The following CACNA1B variants were observed in gnomAD, a reference collection of about 807,000 sequenced individuals.
CACNA1B encodes the protein voltage-dependent N-type calcium channel subunit alpha-1B.
Under a neutral mutation model 247.2 loss-of-function variants are expected in CACNA1B, and 70 were observed. The observed-to-expected ratio is 0.28, with a 90% confidence interval of 0.23 to 0.35. The LOEUF is 0.35. Among genes scored for constraint, CACNA1B ranks in the 10% least tolerant of loss-of-function variants. The pLI, the probability that CACNA1B is intolerant of heterozygous loss-of-function variation, is 1.00. For synonymous variants in CACNA1B, 1,231 were observed against 1,294.4 expected, an observed-to-expected ratio of 0.95 and a Z score of 1.05; for missense variants, 2,367 against 3,197.4, an observed-to-expected ratio of 0.74 and a Z score of 6.26.
At chr9:137,879,618 C>T (rs933303048) in intron 2 of CACNA1B, among the ~76,000 whole-genome samples, 14 of 152,370 alleles carry the variant, frequency 9.2e-5, no homozygotes, top group Admixed American at 3.9e-4. Context: ...CTGCTTGGAA[C>T]CTCTTCTCCA....
Position 137,882,984 on chromosome 9 carries a change from C to G in CACNA1B, c.530+101C>G. 7.7e-7 allele frequency: 1 copy of G among 1,295,300 alleles called. No individual in the cohort carries two copies. 80.2% of individuals were successfully genotyped at this position (1,295,300 alleles called of 1,614,324 possible). Reference sequence around the variant, plus strand: ...AGCTGGGGCAGCTGCAGTCCCCTCACTGGGGTCCCCTCACAGCCCTGCTGG... The same window carrying G: ...AGCTGGGGCAGCTGCAGTCCCCTCAGTGGGGTCCCCTCACAGCCCTGCTGG... On this transcript the variant is annotated intron_variant, in intron 3 of 46. Coordinates refer to ENST00000371372, the MANE Select transcript of CACNA1B (RefSeq NM_000718.4). The surrounding 1 kb of genome is among the most constrained non-coding windows in gnomAD (Gnocchi z 4.0).
rs890081311 is a variant in CACNA1B at position 138,072,318 on chromosome 9, G to A, written c.4675-1170G>A. Among the ~76,000 whole-genome samples the A allele has an allele frequency of 6.6e-6, 1 of 152,178 alleles. No homozygotes were observed. The highest frequency in any genetic ancestry group is 2.4e-5 in the African/African-American group (1 of 41,442). ...GCAGAGGTGTCCTCAGTACGGGTTGGGCCACTGTCCCTGGAAGGAAGAGTG... is the reference window on the plus strand; with the variant it reads ...GCAGAGGTGTCCTCAGTACGGGTTGAGCCACTGTCCCTGGAAGGAAGAGTG... On this transcript the variant is annotated intron_variant, in intron 32 of 46. Coordinates refer to ENST00000371372, the MANE Select transcript of CACNA1B (RefSeq NM_000718.4). The surrounding 1 kb of genome is among the most constrained non-coding windows in gnomAD (Gnocchi z 4.5).
chr9:138,074,144 C>A, intron 34 of CACNA1B, 78 bp downstream of exon 34: 1 of 985,912 alleles, frequency 1.0e-6, no homozygotes, highest in South Asian at 1.3e-5. Flanking sequence ...TCATGATTGT[C>A]AAATCATCGT....
intron 6 of CACNA1B, among the ~76,000 whole-genome samples, chr9:137,939,414 C>A (rs577236415): frequency 6.6e-6 from 1 of 152,194 alleles, no homozygotes; most frequent in East Asian, 1.9e-4. Flanking sequence ...CAAGAAGAAC[C>A]CTCAAAACCA....
chr9:138,096,522 T>C lies in CACNA1B; in HGVS notation c.5133T>C (p.Phe1711=). 6.2e-7 allele frequency: 1 copy of C among 1,612,850 alleles called. No homozygotes were observed. Among genetic ancestry groups the C allele is most frequent in the Non-Finnish European group, 8.5e-7 (1 of 1,179,066 alleles). ...NLFVAVIMDN[F]EYLTRDSSIL... ...TTGTGGCTGTGATCATGGACAATTT[T>C]GAGTACCTCACGCGGGACTCTTCCA... Residue 1711 remains phenylalanine (F), a synonymous_variant, in exon 37 of 47, where the codon TTT becomes TTC. Coordinates refer to ENST00000371372, the MANE Select transcript of CACNA1B (RefSeq NM_000718.4).
intron 40 of CACNA1B, among the ~76,000 whole-genome samples, chr9:138,113,068 AACTCCATCTT>A (rs1434439301): frequency 7.6e-6 from 1 of 132,384 alleles, no homozygotes; most frequent in African/African-American, 3.1e-5. Flanking sequence ...GGAGGTGCCC[AACTCCATCTT>A]GGAGACGTGA....
In CACNA1B at chr9:138,121,511, G is replaced by C; in HGVS notation, c.6532G>C (p.Gly2178Arg). 5 of 1,558,474 alleles carry C rather than the reference G, an allele frequency of 3.2e-6. No homozygotes were observed. The highest frequency in any genetic ancestry group is 4.3e-6 in the Non-Finnish European group (5 of 1,150,486). The change falls in exon 47 of 47, where the codon GGT becomes CGT. Residue 2178 changes from glycine (G) to arginine (R), a missense_variant. By Grantham distance (125) the Gly-to-Arg change is moderately radical (BLOSUM62 -2). Around this residue, in one of 12 missense-constraint regions of CACNA1B, gnomAD observed 773 missense variants for 779.4 expected, o/e 0.99. Transcript: ENST00000371372. The surrounding 1 kb of genome is among the most constrained non-coding windows in gnomAD (Gnocchi z 6.8). ...VNGSPLLSTS[G>R]ASTPGRGGRR... is the part of the protein sequence containing the mutation. ...TGGGAGCCCCTTGCTGTCAACATCT[G>C]GTGCTAGCACCCCCGGCCGCGGTGG...
intron 10 of CACNA1B, among the ~76,000 whole-genome samples, chr9:137,965,138 C>T (rs1958059972): frequency 6.6e-6 from 1 of 152,204 alleles, no homozygotes; most frequent in Non-Finnish European, 1.5e-5. Context: ...TGGCTGGAGA[C>T]CCCAGTTGGG....
chr9:138,043,088 T>TA (rs1470622665), intron 20 of CACNA1B, among the ~76,000 whole-genome samples: 1 of 152,138 alleles, frequency 6.6e-6, no homozygotes, highest in Non-Finnish European at 1.5e-5. Flanking sequence ...AAAATTTACC[T>TA]AAAAAAACAA....
chr9:137,985,387 G>T (rs1958344918), intron 13 of CACNA1B, among the ~76,000 whole-genome samples: 1 of 152,110 alleles, frequency 6.6e-6, no homozygotes, highest in African/African-American at 2.4e-5. Flanking sequence ...GTGTCCACAG[G>T]GCTGCCTTTA....
intron 39 of CACNA1B, among the ~76,000 whole-genome samples, chr9:138,107,251 T>C: frequency 9.7e-6 from 1 of 102,694 alleles, no homozygotes; most frequent in Middle Eastern, 5.6e-3. Context: ...TATTTATTTA[T>C]TTATTTATTT....
In CACNA1B at chr9:137,913,302, C is replaced by A; in HGVS notation, c.622+31C>A. On this transcript the variant is annotated intron_variant, in intron 4 of 46. Coordinates refer to ENST00000371372, the MANE Select transcript of CACNA1B (RefSeq NM_000718.4). The surrounding 1 kb of genome is among the most constrained non-coding windows in gnomAD (Gnocchi z 5.2). ...TCCAGCGAAGACAGGCCCAAGCCGG[C>A]TTGGAGTAACAACCTCCTCTCCTAC... 6.5e-7 allele frequency: 1 copy of A among 1,536,864 alleles called. No individual in the cohort carries two copies. The highest frequency in any genetic ancestry group is 9.0e-7 in the Non-Finnish European group (1 of 1,110,516).
In CACNA1B at chr9:138,120,809, GA is replaced by G; in HGVS notation, c.6419del (p.Lys2140SerfsTer29). The G allele has an allele frequency of 6.4e-7, 1 of 1,562,054 alleles. No homozygotes were observed. Among genetic ancestry groups the G allele is most frequent in the South Asian group, 1.2e-5 (1 of 84,800 alleles). On this transcript the variant is annotated frameshift_variant, in exon 46 of 47. Transcript: ENST00000371372. LOFTEE classifies it high-confidence loss of function. ...ACCGCTTTGGGGGCCGTGAGCCCCC[GA>G]AGCCCAAGCCCTCCCTCAGCAGCCA... ...CDRFGGREPP[K>X]PKPSLSSHPT...
rs561012808 is a variant in CACNA1B at position 137,881,147 on chromosome 9, G to T, written c.391-1597G>T. On this transcript the variant is annotated intron_variant, in intron 2 of 46. Coordinates refer to ENST00000371372, the MANE Select transcript of CACNA1B (RefSeq NM_000718.4). This position sits in a 1 kb window ranked among gnomAD's most constrained non-coding sequence, Gnocchi z 4.3. ...TCCTGTGAAGATCTCTGTCTGCTGC[G>T]GCCCCACTGTTCCCCTGGGGCAGAT... Among the ~76,000 whole-genome samples the T allele has an allele frequency of 2.8e-3, 420 of 152,140 alleles. No homozygotes were observed. Among genetic ancestry groups the T allele is most frequent in the Non-Finnish European group, 4.0e-3 (271 of 67,970 alleles).
intron 35 of CACNA1B, 136 bp downstream of exon 35, chr9:138,076,046 AG>A (rs1960306893): frequency 1.6e-6 from 1 of 643,802 alleles, no homozygotes; most frequent in South Asian, 1.8e-5. Context: ...TCCCCTCAGC[AG>A]GCCTTTCTGG....
intron 3 of CACNA1B, among the ~76,000 whole-genome samples, chr9:137,896,349 CTG>C (rs1387102754): frequency 1.3e-5 from 2 of 151,272 alleles, no homozygotes; most frequent in East Asian, 3.9e-4. Flanking sequence ...TAGTAAATGA[CTG>C]TTAGATTTTA....
At chr9:138,090,946 A>G (rs992031151) in intron 36 of CACNA1B, among the ~76,000 whole-genome samples, 1 of 152,086 alleles carries the variant, frequency 6.6e-6, no homozygotes, top group Non-Finnish European at 1.5e-5. Context: ...AATGGAGAGA[A>G]AGGAGAACTC....
intron 10 of CACNA1B, among the ~76,000 whole-genome samples, chr9:137,968,153 A>T (rs1361582398): frequency 2.0e-5 from 3 of 152,032 alleles, no homozygotes; most frequent in Non-Finnish European, 4.4e-5. Flanking sequence ...GACACCGAGG[A>T]TTCACTTACA....
chr9:138,025,196 G>A lies in CACNA1B; in HGVS notation c.3286+24G>A, dbSNP rs1958906489. ...CAGTGAGTATCTCCCTGTGCCAGTG[G>A]GGCAGGGCCCATCTTGTGCAGGTCC... On this transcript the variant is annotated intron_variant, in intron 20 of 46. Coordinates refer to ENST00000371372, the MANE Select transcript of CACNA1B (RefSeq NM_000718.4). 11 of 1,531,060 alleles carry A rather than the reference G, an allele frequency of 7.2e-6. No individual in the cohort carries two copies. In the East Asian group the frequency reaches 2.1e-4, roughly 29 times the overall value. The allele number at this position is 1,531,060 out of a possible 1,614,324, so 94.8% of individuals were successfully genotyped here.
Sources: allele counts gnomAD v4.1 joint callset (sites outside exome capture counted in the v4.1 genomes callset), GRCh38; gene constraint gnomAD v4.1.1; regional missense constraint gnomAD v4.1.1; non-coding constraint Gnocchi (gnomAD v3.1); transcripts MANE v1.5; gene names NCBI Gene and HGNC (gene_info 2026-07-23, HGNC 2026-07-21).